FBXO21: variants seen among roughly 807,000 people sequenced by gnomAD.
FBXO21 encodes the protein F-box only protein 21.
FBXO21 carries 32 observed loss-of-function variants against 76.6 expected under a neutral mutation model. That is an observed-to-expected ratio of 0.42 (90% confidence interval 0.32 to 0.56). The LOEUF (loss-of-function observed/expected upper bound fraction) is 0.56, where lower values mean the gene tolerates loss of function less well. Ranked by LOEUF, FBXO21 falls within the 20% of genes least tolerant of loss-of-function variation. The probability of loss-of-function intolerance (pLI) is 0.16; values close to 1 mark genes in which losing one functional copy is unlikely to be tolerated. For missense variants in FBXO21, 586 were observed against 797.3 expected (o/e 0.73, Z 3.19); for synonymous variants, 328 against 311.5 (o/e 1.05, Z -0.56).
At position 117,189,239 on chromosome 12, in the gene FBXO21, G is replaced by A. The variant is rs779723550; in HGVS notation, c.363C>T (p.Phe121=). The A allele has an allele frequency of 1.9e-6, 3 of 1,614,056 alleles. No homozygotes were observed. The highest frequency in any genetic ancestry group is 3.3e-5 in the Admixed American group (2 of 60,002). The change falls in exon 2 of 12, where the codon TTC becomes TTT. Residue 121 remains phenylalanine (F), a synonymous_variant. Transcript: ENST00000622495. ...AACAGATCCTTACGTGCTCTGAAAA[G>A]AACCTCTTTGAGAACGAGGCTACAA... is the stretch of plus-strand genomic sequence containing the variant. ...RKIVASFSKR[F]FSEHVPCNGF...
At chr12:117,177,376 T>C (rs534836727) in intron 4 of FBXO21, 144 bp downstream of exon 4, 46 of 676,164 alleles carry the variant, frequency 6.8e-5, no homozygotes, top group African/African-American at 6.6e-4. Context: ...TCAGGCCCTA[T>C]AATCCAACCT....
At chr12:117,183,325 A>C (rs1956253801) in intron 3 of FBXO21, among the ~76,000 whole-genome samples, 1 of 151,350 alleles carries the variant, frequency 6.6e-6, no homozygotes, top group Non-Finnish European at 1.5e-5. Flanking sequence ...ATCTCGGCTC[A>C]CTGCAACCTC....
At chr12:117,163,649 T>TA (rs1471836187) in intron 9 of FBXO21, among the ~76,000 whole-genome samples, 1 of 149,040 alleles carries the variant, frequency 6.7e-6, no homozygotes, top group African/African-American at 2.5e-5. Context: ...GTATCAAAAA[T>TA]AAATAGGCAG....
intron 3 of FBXO21, among the ~76,000 whole-genome samples, chr12:117,184,901 A>C (rs1956268130): frequency 1.3e-5 from 2 of 152,332 alleles, no homozygotes; most frequent in South Asian, 4.2e-4. Context: ...AGTACCTATT[A>C]TGTGATCCCA....
rs569620075 is a variant in FBXO21, at chr12:117,152,147, G to A, written c.1675+3644C>T. ...GACATCATACAGTTAAGGAACCAAT[G>A]AGGCAAATCCAAAATGTTATACAAT... On this transcript the variant is annotated intron_variant, in intron 11 of 11. Coordinates refer to ENST00000622495, the MANE Select transcript of FBXO21 (RefSeq NM_015002.3). Among the ~76,000 whole-genome samples, 3 of 152,264 alleles carry A rather than the reference G, an allele frequency of 2.0e-5. No individual in the cohort carries two copies. In the East Asian group the frequency reaches 5.8e-4, roughly 29 times the overall value.
At chr12:117,154,038 G>A (rs1466852) in intron 11 of FBXO21, among the ~76,000 whole-genome samples, 27,491 of 152,136 alleles carry the variant, frequency 0.18, 3,214 homozygotes, top group Admixed American at 0.35. Flanking sequence ...ACTGGCCCAC[G>A]GTGTTGTTGA....
At chr12:117,181,523 TTATC>T (rs535290502) in intron 3 of FBXO21, among the ~76,000 whole-genome samples, 83 of 152,304 alleles carry the variant, frequency 5.4e-4, no homozygotes, top group East Asian at 7.7e-4. Flanking sequence ...ATGTATGAAT[TTATC>T]TATCTATCTA....
chr12:117,176,751 C>G (rs1956178735), intron 4 of FBXO21, among the ~76,000 whole-genome samples: 1 of 151,746 alleles, frequency 6.6e-6, no homozygotes, highest in South Asian at 2.1e-4. Flanking sequence ...GGTGACATAG[C>G]AAGACCCCGT....
At position 117,166,883 on chromosome 12, in the gene FBXO21, C is replaced by T. The variant is rs1283574427; in HGVS notation, c.1193+15G>A. 1 of 1,612,576 alleles carries T rather than the reference C, an allele frequency of 6.2e-7. No individual in the cohort carries two copies. Among genetic ancestry groups the T allele is most frequent in the Non-Finnish European group, 8.5e-7 (1 of 1,178,772 alleles). ...TGTGCTCTGCAGAAGTACTAGAAAA[C>T]CAAGAAAACCTTACCGCTTCCCCAG... On this transcript the variant is annotated intron_variant, in intron 8 of 11. Coordinates refer to ENST00000622495, the MANE Select transcript of FBXO21 (RefSeq NM_015002.3).
intron 3 of FBXO21, among the ~76,000 whole-genome samples, chr12:117,181,399 T>C (rs927806864): frequency 6.6e-6 from 1 of 152,230 alleles, no homozygotes; most frequent in African/African-American, 2.4e-5. Context: ...TCCTTATAAA[T>C]GACTTTACCT....
At chr12:117,156,555 C>T (rs1194409541) in intron 10 of FBXO21, among the ~76,000 whole-genome samples, 1 of 152,146 alleles carries the variant, frequency 6.6e-6, no homozygotes, top group Non-Finnish European at 1.5e-5. Flanking sequence ...TTTAGAGGTA[C>T]ATACTGAAAT....
chr12:117,180,927 C>T (rs1335104500), intron 3 of FBXO21, among the ~76,000 whole-genome samples: 1 of 152,164 alleles, frequency 6.6e-6, no homozygotes, highest in African/African-American at 2.4e-5. Flanking sequence ...TTTATGATTA[C>T]TGAAAACAGC....
At chr12:117,147,949 C>T (rs559577209) in intron 11 of FBXO21, among the ~76,000 whole-genome samples, 17 of 152,322 alleles carry the variant, frequency 1.1e-4, no homozygotes, top group African/African-American at 3.6e-4. Context: ...GAATTAATAC[C>T]AGTAAGGCCA....
chr12:117,146,046 A>C lies in FBXO21; in HGVS notation c.*41T>G, dbSNP rs1398902585. 1 of 1,487,160 alleles carries C rather than the reference A, an allele frequency of 6.7e-7. No homozygotes were observed. The highest frequency in any genetic ancestry group is 9.0e-7 in the Non-Finnish European group (1 of 1,108,544). 92.1% of individuals were successfully genotyped at this position (1,487,160 alleles called of 1,614,324 possible). A position where few individuals can be genotyped will look rare whatever the true frequency, so the allele number is the denominator to read the frequency against. ...TCTTCCGGAGTCCCGTTCTCTTGGA[A>C]GATAGCAGCAGCAGCAAAGGTGCAA... is the stretch of plus-strand genomic sequence containing the variant. On this transcript the variant is annotated 3_prime_UTR_variant, in exon 12 of 12. Coordinates refer to ENST00000622495, the MANE Select transcript of FBXO21 (RefSeq NM_015002.3).
In FBXO21 at chr12:117,182,288, G is replaced by A. The variant is rs541029196; in HGVS notation, c.470+4189C>T. On this transcript the variant is annotated intron_variant, in intron 3 of 11. Transcript: ENST00000622495. ...GTGGGAGGATCACTTGAAGTCAAGA[G>A]TTCAAGACCAGCCTGGGAAACATAG... Among the ~76,000 whole-genome samples the A allele has an allele frequency of 3.9e-5, 6 of 152,326 alleles. 1 individual carries two copies. In the South Asian group the frequency reaches 1.2e-3, roughly 32 times the overall value.
chr12:117,151,946 G>C (rs1472309169), intron 11 of FBXO21, among the ~76,000 whole-genome samples: 1 of 152,166 alleles, frequency 6.6e-6, no homozygotes, highest in African/African-American at 2.4e-5. Context: ...TGACCACGTG[G>C]ATTTCTTAAT....
intron 3 of FBXO21, among the ~76,000 whole-genome samples, chr12:117,183,957 T>C (rs930281151): frequency 1.3e-5 from 2 of 152,186 alleles, no homozygotes; most frequent in African/African-American, 4.8e-5. Flanking sequence ...TTTAAATATA[T>C]TAAATTATCT....
chr12:117,184,204 C>T (rs1203743442), intron 3 of FBXO21, among the ~76,000 whole-genome samples: 1 of 151,100 alleles, frequency 6.6e-6, no homozygotes, highest in Non-Finnish European at 1.5e-5. Context: ...CAACTCCCCC[C>T]TGCTCACCAC....
intron 10 of FBXO21, among the ~76,000 whole-genome samples, chr12:117,156,396 T>C (rs1037624892): frequency 1.3e-5 from 2 of 152,156 alleles, no homozygotes; most frequent in African/African-American, 4.8e-5. Flanking sequence ...GACTAACAAA[T>C]CCTGATCCAA....
Sources: allele counts gnomAD v4.1 joint callset (sites outside exome capture counted in the v4.1 genomes callset), GRCh38; gene constraint gnomAD v4.1.1; transcripts MANE v1.5; gene names NCBI Gene and HGNC (gene_info 2026-07-23, HGNC 2026-07-21).